The following NIPSNAP3B variants were observed in gnomAD, a reference collection of about 807,000 sequenced individuals.
The protein encoded by NIPSNAP3B is nipsnap homolog 3B.
In NIPSNAP3B, 30 loss-of-function variants were observed where a neutral mutation model predicts 31.5. That is an observed-to-expected ratio of 0.95 (90% CI 0.71 to 1.29). The LOEUF is 1.29. NIPSNAP3B is among the 50% of genes most tolerant of loss of function. The pLI, the probability that NIPSNAP3B is intolerant of heterozygous loss-of-function variation, is 0.00. For synonymous variants in NIPSNAP3B, 106 were observed against 107.9 expected (o/e 0.98, Z 0.11); for missense variants, 269 against 300.7 (o/e 0.89, Z 0.78).
Position 104,768,864 on chromosome 9 carries a change from T to A in NIPSNAP3B, c.273T>A (p.Asp91Glu). Residue 91 changes from aspartate (D) to glutamate (E), a missense_variant and splice_region_variant, in exon 3 of 6, where the codon GAT (aspartate) becomes GAA (glutamate). By Grantham distance (45) the Asp-to-Glu change is conservative (BLOSUM62 2). Coordinates refer to ENST00000374762, the MANE Select transcript of NIPSNAP3B (RefSeq NM_018376.4). Reference sequence around the variant, plus strand: ...TTCTTAACTATTTTCCTCCCATAGATAATTTTGCTCATCGAGCTGAAGTTC... The same window carrying A: ...TTCTTAACTATTTTCCTCCCATAGAAAATTTTGCTCATCGAGCTGAAGTTC... ...TNKVFHIWKY[D>E]NFAHRAEVRK... 2 of 1,599,264 alleles carry A rather than the reference T, an allele frequency of 1.3e-6. No individual in the cohort carries two copies. Among genetic ancestry groups the A allele is most frequent in the Non-Finnish European group, 1.7e-6 (2 of 1,174,874 alleles).
chr9:104,787,853 G>A, the NIPSNAP3B span: 38 of 1,613,600 alleles, frequency 2.4e-5, no homozygotes, highest in Non-Finnish European at 3.1e-5. Context: ...GGACATATAG[G>A]ACTTTTGAAC....
chr9:104,778,917 C>T (rs1254756176), downstream of NIPSNAP3B, among the ~76,000 whole-genome samples: 2 of 152,110 alleles, frequency 1.3e-5, no homozygotes, highest in African/African-American at 4.8e-5. Context: ...AAAAGGCTGG[C>T]GAGATCCTGT....
downstream of NIPSNAP3B, among the ~76,000 whole-genome samples, chr9:104,779,543 T>TA (rs1407762066): frequency 6.6e-6 from 1 of 152,134 alleles, no homozygotes; most frequent in Non-Finnish European, 1.5e-5. Flanking sequence ...TGGTACTTTT[T>TA]ACCTCATAGG....
the NIPSNAP3B span, chr9:104,785,620 T>C: frequency 1.1e-5 from 17 of 1,614,036 alleles, no homozygotes; most frequent in Non-Finnish European, 1.4e-5. Flanking sequence ...CGTACAACTA[T>C]TGTATAACCA....
At chr9:104,771,673 G>A (rs979559466) in intron 4 of NIPSNAP3B, among the ~76,000 whole-genome samples, 9 of 152,160 alleles carry the variant, frequency 5.9e-5, no homozygotes, top group African/African-American at 2.2e-4. Context: ...ATTGTGAATA[G>A]TGCTGCAGTG....
chr9:104,780,113 G>A (rs930769241), downstream of NIPSNAP3B, among the ~76,000 whole-genome samples: 2 of 152,132 alleles, frequency 1.3e-5, no homozygotes, highest in Non-Finnish European at 2.9e-5. Flanking sequence ...TTTCAATAAA[G>A]TTTTTTCCTC....
chr9:104,781,057 A>G (rs1003376702), downstream of NIPSNAP3B: 1 of 152,640 alleles, frequency 6.6e-6, no homozygotes, highest in Non-Finnish European at 1.5e-5. Flanking sequence ...TTATATTACA[A>G]CATAGAAATA....
intron 2 of NIPSNAP3B, among the ~76,000 whole-genome samples, chr9:104,767,902 C>A (rs1828122028): frequency 6.6e-6 from 1 of 152,036 alleles, no homozygotes; most frequent in African/African-American, 2.4e-5. Context: ...CAGGAGGTTG[C>A]AGGAGGTTGG....
chr9:104,785,335 G>T, the NIPSNAP3B span: 1 of 1,604,936 alleles, frequency 6.2e-7, no homozygotes, highest in Non-Finnish European at 8.5e-7. Flanking sequence ...CTATGGGCGG[G>T]AGTGTCGGGG....
chr9:104,771,785 C>T (rs1828226524), intron 4 of NIPSNAP3B, among the ~76,000 whole-genome samples: 1 of 152,084 alleles, frequency 6.6e-6, no homozygotes, highest in Non-Finnish European at 1.5e-5. Context: ...CTGCTTTTAG[C>T]TCTTTGAGGA....
rs1327741705 is a variant in NIPSNAP3B, at chr9:104,764,267, C to T, written c.27C>T (p.Thr9=). 1 of 1,599,274 alleles carries T rather than the reference C, an allele frequency of 6.3e-7. No individual in the cohort carries two copies. ...TGCTCGTTCTCAGAAGCGGCCTGACCAAGGCGCTTGCCTCACGGACGCTCG... is the reference window on the plus strand; with the variant it reads ...TGCTCGTTCTCAGAAGCGGCCTGACTAAGGCGCTTGCCTCACGGACGCTCG... MLVLRSGL[T]KALASRTLAP... The change falls in exon 1 of 6, where the codon ACC becomes ACT. Residue 9 remains threonine, a synonymous_variant. Transcript: ENST00000374762.
Position 104,774,706 on chromosome 9 carries a change from C to T in NIPSNAP3B, c.*1633C>T, listed in dbSNP as rs1256253770. ...TGTGGTTTAAATCATATACCTTATT[C>T]TTCATACTTAGCTCCAAGTAGATTA... On this transcript the variant is annotated 3_prime_UTR_variant, in exon 6 of 6. Transcript: ENST00000374762. 6.6e-6 allele frequency among the ~76,000 whole-genome samples: 1 copy of T among 152,152 alleles called. No homozygotes were observed. Among genetic ancestry groups the T allele is most frequent in the African/African-American group, 2.4e-5 (1 of 41,442 alleles).
chr9:104,773,732 C>T lies in NIPSNAP3B; in HGVS notation c.*659C>T, dbSNP rs1332062416. ...AATTGTTCATTTATAATTAATTTTA[C>T]TAATTTCTACTTAGTTTGGATCACT... On this transcript the variant is annotated 3_prime_UTR_variant, in exon 6 of 6. Transcript: ENST00000374762. 1 of 152,118 alleles carries T rather than the reference C, an allele frequency of 6.6e-6. No individual in the cohort carries two copies. Among genetic ancestry groups the T allele is most frequent in the East Asian group, 1.9e-4 (1 of 5,204 alleles). The allele number at this position is 152,118 out of a possible 1,614,324, so 9.4% of individuals were successfully genotyped here.
At chr9:104,789,815 C>T in the NIPSNAP3B span, among the ~76,000 whole-genome samples, 24 of 152,202 alleles carry the variant, frequency 1.6e-4, no homozygotes, top group Admixed American at 1.0e-3. Flanking sequence ...CCAGAGAAGC[C>T]GGGCGCAGTG....
chr9:104,770,126 A>G (rs1022838793), intron 3 of NIPSNAP3B, among the ~76,000 whole-genome samples: 1 of 152,150 alleles, frequency 6.6e-6, no homozygotes, highest in Non-Finnish European at 1.5e-5. Flanking sequence ...TCTCAGTGTC[A>G]AGTCTTATTA....
In NIPSNAP3B at chr9:104,776,389, G is replaced by A. The variant is rs1390081250; in HGVS notation, c.*3316G>A. On this transcript the variant is annotated 3_prime_UTR_variant, in exon 6 of 6. Coordinates refer to ENST00000374762, the MANE Select transcript of NIPSNAP3B (RefSeq NM_018376.4). ...GGCCCCTATCTGCTAGAGACTGAATGTTTTTGTCCCCCCAAAATTCCTATG... is the reference window on the plus strand; with the variant it reads ...GGCCCCTATCTGCTAGAGACTGAATATTTTTGTCCCCCCAAAATTCCTATG... 1.8e-5 allele frequency among the ~76,000 whole-genome samples: 1 copy of A among 56,192 alleles called. No individual in the cohort carries two copies. Among genetic ancestry groups the A allele is most frequent in the Non-Finnish European group, 4.0e-5 (1 of 24,736 alleles). 36.9% of individuals were successfully genotyped at this position (56,192 alleles called of 152,430 possible). A position where few individuals can be genotyped will look rare whatever the true frequency, so the allele number is the denominator to read the frequency against.
chr9:104,788,536 T>G, the NIPSNAP3B span: 3 of 1,614,088 alleles, frequency 1.9e-6, no homozygotes, highest in Non-Finnish European at 2.5e-6. Flanking sequence ...TAGCCCATGT[T>G]CTGATGTACT....
the NIPSNAP3B span, chr9:104,788,360 A>C: frequency 6.2e-7 from 1 of 1,610,456 alleles, no homozygotes; most frequent in Non-Finnish European, 8.5e-7. Flanking sequence ...GCGTGTGGAA[A>C]AGCCATAAGG....
chr9:104,779,941 C>T (rs1047877705), downstream of NIPSNAP3B, among the ~76,000 whole-genome samples: 31 of 152,132 alleles, frequency 2.0e-4, no homozygotes, highest in African/African-American at 6.5e-4. Flanking sequence ...TGAGGAGAAT[C>T]GCTTGAACCC....
Sources: gnomAD v4.1 joint callset for allele counts (sites outside exome capture counted in the v4.1 genomes callset) on GRCh38, gnomAD v4.1.1 for gene constraint, MANE v1.5 for transcripts, NCBI Gene and HGNC (gene_info 2026-07-23, HGNC 2026-07-21) for gene names.